RBM26: variants seen among roughly 807,000 people sequenced by gnomAD.
RBM26 encodes RNA-binding protein 26.
RBM26 carries 30 observed loss-of-function variants against 123.6 expected under a neutral mutation model. The ratio of observed to expected loss-of-function variants is 0.24; its 90% CI spans 0.18 to 0.33. The LOEUF (loss-of-function observed/expected upper bound fraction) is 0.33, where lower values mean the gene tolerates loss of function less well. RBM26 is among the 10% of genes least tolerant of loss of function. RBM26 has a pLI of 1.00. For synonymous variants in RBM26, 400 were observed against 404.4 expected, an observed-to-expected ratio of 0.99 and a Z score of 0.13; for missense variants, 947 against 1,203.6, an observed-to-expected ratio of 0.79 and a Z score of 3.15.
chr13:79,404,623 C>T (rs755126179), intron 1 of RBM26, among the ~76,000 whole-genome samples: 3 of 152,158 alleles, frequency 2.0e-5, no homozygotes, highest in Admixed American at 6.5e-5. Flanking sequence ...ACCACAATCA[C>T]TTCTGCTACA....
intron 20 of RBM26, among the ~76,000 whole-genome samples, chr13:79,324,737 A>T (rs1220235564): frequency 5.3e-5 from 8 of 151,622 alleles, no homozygotes; most frequent in East Asian, 1.9e-4. Context: ...TTTACTATTT[A>T]AAAAAAAGAA....
intron 1 of RBM26, among the ~76,000 whole-genome samples, chr13:79,388,680 T>A (rs1006218606): frequency 6.6e-6 from 1 of 152,194 alleles, no homozygotes; most frequent in African/African-American, 2.4e-5. Context: ...TCAATTTAGG[T>A]AAGTGCATTA....
chr13:79,336,070 G>C (rs2070328695), intron 19 of RBM26, among the ~76,000 whole-genome samples: 1 of 151,864 alleles, frequency 6.6e-6, no homozygotes, highest in African/African-American at 2.4e-5. Context: ...CTTATGTCCT[G>C]ACAAAATATC....
At chr13:79,360,229 T>C (rs1224044303) in intron 9 of RBM26, among the ~76,000 whole-genome samples, 2 of 152,086 alleles carry the variant, frequency 1.3e-5, no homozygotes, top group Non-Finnish European at 2.9e-5. Flanking sequence ...GGAAAAAGCA[T>C]AGTATATGTA....
At chr13:79,352,761 A>G (rs1433819060) in intron 14 of RBM26, among the ~76,000 whole-genome samples, 1 of 152,172 alleles carries the variant, frequency 6.6e-6, no homozygotes, top group Non-Finnish European at 1.5e-5. Flanking sequence ...AAAATTAAGA[A>G]CACTGCCCAA....
intron 9 of RBM26, 31 bp downstream of exon 9, chr13:79,365,547 A>C: frequency 6.4e-7 from 1 of 1,570,292 alleles, no homozygotes; most frequent in Non-Finnish European, 8.7e-7. Flanking sequence ...ATATTATGAA[A>C]ATGACAGGAA....
intron 17 of RBM26, 26 bp from the exon 18 acceptor site, chr13:79,341,253 G>A: frequency 6.8e-7 from 1 of 1,464,202 alleles, no homozygotes; most frequent in Admixed American, 1.7e-5. Flanking sequence ...TAATATTTTA[G>A]GTGACAGTAA....
chr13:79,390,099 T>G (rs977593163), intron 1 of RBM26, among the ~76,000 whole-genome samples: 2 of 152,180 alleles, frequency 1.3e-5, no homozygotes, highest in South Asian at 4.1e-4. Context: ...CAGAAAGGAA[T>G]AAGAAGACTG....
At chr13:79,359,206 A>T (rs899267446) in intron 10 of RBM26, among the ~76,000 whole-genome samples, 3 of 152,180 alleles carry the variant, frequency 2.0e-5, no homozygotes, top group Non-Finnish European at 4.4e-5. Context: ...CCTAGCAGGA[A>T]CTGCCTACAT....
At chr13:79,367,435 A>T (rs1052862712) in intron 6 of RBM26, among the ~76,000 whole-genome samples, 18 of 142,860 alleles carry the variant, frequency 1.3e-4, no homozygotes, top group African/African-American at 4.1e-4. Flanking sequence ...AAAAAAAAGA[A>T]GAAGAAGAGG....
intron 1 of RBM26, chr13:79,389,764 T>G (rs1318490835): frequency 6.6e-6 from 1 of 152,216 alleles, no homozygotes; most frequent in Admixed American, 6.5e-5. Context: ...TGGTAAGTTT[T>G]CCTTGACTAC....
intron 21 of RBM26, among the ~76,000 whole-genome samples, chr13:79,321,616 GCA>G (rs1318614272): frequency 6.6e-6 from 1 of 151,204 alleles, no homozygotes; most frequent in Non-Finnish European, 1.5e-5. Context: ...AAAGAAAAAT[GCA>G]CACTTTCATT....
At chr13:79,379,859 A>G (rs552467492) in intron 1 of RBM26, among the ~76,000 whole-genome samples, 74 of 152,324 alleles carry the variant, frequency 4.9e-4, no homozygotes, top group African/African-American at 1.7e-3. Context: ...TAAAACATAA[A>G]ATAAATAAAA....
Position 79,371,049 on chromosome 13 carries a change from C to T in RBM26, c.530G>A (p.Arg177His), listed in dbSNP as rs144298825. 15 of 1,613,618 alleles carry T rather than the reference C, an allele frequency of 9.3e-6. No homozygotes were observed. The highest frequency in any genetic ancestry group is 4.5e-5 in the East Asian group (2 of 44,898). ...DRYNRRRGRS[R>H]SYSRSRSRSW... is the part of the protein sequence containing the mutation. ...TCGACTTCGACTCCTGCTATAACTG[C>T]GACTCCGCCCTCGTCTTCTATTGTA... Residue 177 changes from arginine to histidine, a missense_variant, in exon 5 of 22, where the codon CGC becomes CAC. Transcript: ENST00000438737.
chr13:79,333,426 G>A (rs889978596), intron 20 of RBM26, among the ~76,000 whole-genome samples: 7 of 152,142 alleles, frequency 4.6e-5, no homozygotes, highest in African/African-American at 1.7e-4. Context: ...CTTCTACCAG[G>A]TAAGCAATGT....
At chr13:79,388,679 G>GT (rs370167708) in intron 1 of RBM26, among the ~76,000 whole-genome samples, 7 of 152,074 alleles carry the variant, frequency 4.6e-5, no homozygotes, top group African/African-American at 1.7e-4. Context: ...TTCAATTTAG[G>GT]TAAGTGCATT....
chr13:79,403,706 A>G (rs577148455), intron 1 of RBM26, among the ~76,000 whole-genome samples: 5 of 152,336 alleles, frequency 3.3e-5, no homozygotes, highest in South Asian at 4.1e-4. Flanking sequence ...TGGCAGAGGC[A>G]GAATTCAAAG....
chr13:79,336,638 T>C (rs1450064313), intron 19 of RBM26, among the ~76,000 whole-genome samples: 1 of 152,222 alleles, frequency 6.6e-6, no homozygotes, highest in Non-Finnish European at 1.5e-5. Flanking sequence ...ACAAAGTCTT[T>C]TTCATTACAT....
chr13:79,353,933 G>A (rs566768694), intron 13 of RBM26, among the ~76,000 whole-genome samples: 2 of 152,270 alleles, frequency 1.3e-5, no homozygotes, highest in South Asian at 4.1e-4. Flanking sequence ...CCAGAGTCAG[G>A]AATAAGTGAT....
Sources: allele counts gnomAD v4.1 joint callset (sites outside exome capture counted in the v4.1 genomes callset), GRCh38; gene constraint gnomAD v4.1.1; transcripts MANE v1.5; gene names NCBI Gene and HGNC (gene_info 2026-07-23, HGNC 2026-07-21).